Variants in FHIT observed in about 807,000 individuals in gnomAD.
FHIT encodes the protein fragile histidine triad diadenosine triphosphatase.
A neutral mutation model predicts 17.9 loss-of-function variants in FHIT; 19 were observed. That is an observed-to-expected ratio of 1.06 (90% CI 0.74 to 1.56). FHIT has a LOEUF of 1.56. FHIT is among the 40% of genes most tolerant of loss of function. FHIT has a pLI of 0.00. For missense variants in FHIT, 248 were observed against 189.2 expected (o/e 1.31, Z -1.82); for synonymous variants, 81 against 69.7 (o/e 1.16, Z -0.81).
At chr3:60,336,614 T>G (rs1710253394) in intron 5 of FHIT, among the ~76,000 whole-genome samples, 1 of 152,198 alleles carries the variant, frequency 6.6e-6, no homozygotes, top group African/African-American at 2.4e-5. Flanking sequence ...ACATGGCTAT[T>G]TAAATTAACA....
chr3:60,445,419 A>T lies in FHIT; in HGVS notation c.103+91441T>A, dbSNP rs538345153. The stretch of plus-strand genomic sequence containing the variant: ...TATGATACGTTTCTTACCAAAGGTC[A>T]TCAAAGAAAGCACACTGCTGTGATG... On this transcript the variant is annotated intron_variant, in intron 5 of 9. Coordinates refer to ENST00000492590, the MANE Select transcript of FHIT (RefSeq NM_002012.4). Among the ~76,000 whole-genome samples the T allele has an allele frequency of 1.1e-3, 165 of 152,178 alleles. 3 individuals carry two copies. The highest frequency in any genetic ancestry group is 3.6e-3 in the African/African-American group (151 of 41,554).
chr3:60,417,780 C>A (rs1018968582), intron 5 of FHIT, among the ~76,000 whole-genome samples: 3 of 152,166 alleles, frequency 2.0e-5, no homozygotes, highest in African/African-American at 7.2e-5. Context: ...TACTCAACAC[C>A]TGTTAACTGT....
chr3:60,808,458 T>A (rs1553735094), intron 4 of FHIT, among the ~76,000 whole-genome samples: 1 of 152,176 alleles, frequency 6.6e-6, no homozygotes, highest in African/African-American at 2.4e-5. Flanking sequence ...GTTCATTTTC[T>A]TTGAGAGGCT....
chr3:60,587,146 T>C (rs564622689), intron 4 of FHIT, among the ~76,000 whole-genome samples: 1 of 152,026 alleles, frequency 6.6e-6, no homozygotes, highest in South Asian at 2.1e-4. Flanking sequence ...AAGTAGTATA[T>C]ATACACCACG....
intron 4 of FHIT, among the ~76,000 whole-genome samples, chr3:60,552,583 T>C (rs1331066660): frequency 6.6e-6 from 1 of 152,172 alleles, no homozygotes; most frequent in Non-Finnish European, 1.5e-5. Flanking sequence ...GGTGATTCTA[T>C]TCCTAACGTA....
At chr3:60,257,183 C>CT (rs1706041746) in intron 5 of FHIT, among the ~76,000 whole-genome samples, 1 of 152,254 alleles carries the variant, frequency 6.6e-6, no homozygotes, top group East Asian at 1.9e-4. Flanking sequence ...TAAATAAAAT[C>CT]TTTAACACAG....
chr3:60,514,175 G>C (rs1426765176), intron 5 of FHIT, among the ~76,000 whole-genome samples: 2 of 152,212 alleles, frequency 1.3e-5, no homozygotes, highest in African/African-American at 4.8e-5. Context: ...AATTCAGGAG[G>C]CACTGGGTGT....
chr3:60,819,420 T>C (rs1701852088), intron 4 of FHIT, among the ~76,000 whole-genome samples: 1 of 152,222 alleles, frequency 6.6e-6, no homozygotes, highest in Non-Finnish European at 1.5e-5. Flanking sequence ...TACAGAATCA[T>C]GACTACCAGT....
At chr3:60,193,105 C>T (rs213292) in intron 5 of FHIT, among the ~76,000 whole-genome samples, 33,339 of 152,156 alleles carry the variant, frequency 0.22, 3,804 homozygotes, top group Middle Eastern at 0.31. Context: ...TTAAAATCCT[C>T]AACCATGAGA....
chr3:60,144,812 G>T (rs572431604), intron 5 of FHIT, among the ~76,000 whole-genome samples: 1 of 152,132 alleles, frequency 6.6e-6, no homozygotes, highest in East Asian at 1.9e-4. Context: ...ACCCTACCAT[G>T]CAATAAAATA....
intron 4 of FHIT, among the ~76,000 whole-genome samples, chr3:60,538,550 G>C (rs557227140): frequency 6.6e-6 from 1 of 152,022 alleles, no homozygotes; most frequent in Middle Eastern, 3.2e-3. Context: ...ATACTACAAG[G>C]CTACAGTAAC....
chr3:60,398,774 A>G (rs1410244064), intron 5 of FHIT, among the ~76,000 whole-genome samples: 1 of 152,190 alleles, frequency 6.6e-6, no homozygotes, highest in Admixed American at 6.6e-5. Flanking sequence ...AATCTATTTG[A>G]TTTCATAGGA....
intron 5 of FHIT, among the ~76,000 whole-genome samples, chr3:60,364,263 G>A (rs1265206314): frequency 1.3e-5 from 2 of 152,154 alleles, no homozygotes; most frequent in East Asian, 3.9e-4. Flanking sequence ...CTGCTTTCAA[G>A]TGAAATGCTC....
At chr3:59,938,533 A>G (rs995573405) in intron 7 of FHIT, among the ~76,000 whole-genome samples, 1 of 152,152 alleles carries the variant, frequency 6.6e-6, no homozygotes, top group African/African-American at 2.4e-5. Flanking sequence ...TTCCTGCCAA[A>G]TGAGTATACT....
intron 4 of FHIT, among the ~76,000 whole-genome samples, chr3:60,564,514 G>T (rs1158705114): frequency 6.6e-6 from 1 of 152,100 alleles, no homozygotes; most frequent in Non-Finnish European, 1.5e-5. Context: ...TGAAAACCTG[G>T]AAAGGATTCA....
At chr3:60,760,223 AAG>A (rs1699597491) in intron 4 of FHIT, among the ~76,000 whole-genome samples, 3 of 152,162 alleles carry the variant, frequency 2.0e-5, no homozygotes, top group Non-Finnish European at 4.4e-5. Context: ...TGCGGAAGCC[AAG>A]TGTTTTTGTA....
At chr3:59,979,880 G>A (rs1708576576) in intron 7 of FHIT, among the ~76,000 whole-genome samples, 1 of 152,132 alleles carries the variant, frequency 6.6e-6, no homozygotes, top group African/African-American at 2.4e-5. Context: ...CTTTCTTAAT[G>A]GGAGACTGAG....
At chr3:60,281,289 G>A (rs184271155) in intron 5 of FHIT, among the ~76,000 whole-genome samples, 1 of 152,232 alleles carries the variant, frequency 6.6e-6, no homozygotes, top group Admixed American at 6.5e-5. Context: ...ATTCAACGCA[G>A]TTTCAGTCAA....
At chr3:60,115,251 T>C (rs115773501) in intron 5 of FHIT, among the ~76,000 whole-genome samples, 4,662 of 152,158 alleles carry the variant, frequency 0.031, 85 homozygotes, top group Non-Finnish European at 0.041. Context: ...AGGGAGAATA[T>C]GTATTGAAAA....
Sources: gnomAD v4.1 joint callset for allele counts (sites outside exome capture counted in the v4.1 genomes callset) on GRCh38, gnomAD v4.1.1 for gene constraint, MANE v1.5 for transcripts, NCBI Gene and HGNC (gene_info 2026-07-23, HGNC 2026-07-21) for gene names.